Variants in RANBP17 observed in about 807,000 individuals in gnomAD.
The protein encoded by RANBP17 is ran-binding protein 17.
A neutral mutation model predicts 141.2 loss-of-function variants in RANBP17; 158 were observed. The ratio of observed to expected loss-of-function variants is 1.12; its 90% CI spans 0.98 to 1.28. RANBP17 has a LOEUF of 1.28. Ranked by LOEUF, RANBP17 falls within the 50% of genes most tolerant of loss-of-function variation. The probability of loss-of-function intolerance (pLI) is 0.00; values close to 1 mark genes in which losing one functional copy is unlikely to be tolerated. For synonymous variants in RANBP17, 430 were observed against 450.0 expected (o/e 0.96, Z 0.56); for missense variants, 1,438 against 1,290.7 (o/e 1.11, Z -1.75).
At chr5:171,141,619 C>A (rs1378224772) in intron 14 of RANBP17, among the ~76,000 whole-genome samples, 1 of 15,170 alleles carries the variant, frequency 6.6e-5, no homozygotes. Flanking sequence ...GAGACTCCAT[C>A]TCAAAAAAAA....
At chr5:170,875,814 A>G (rs2127343079) in intron 1 of RANBP17, among the ~76,000 whole-genome samples, 1 of 152,178 alleles carries the variant, frequency 6.6e-6, no homozygotes, top group South Asian at 2.1e-4. Flanking sequence ...TATCATTTGG[A>G]GAAGAAGCAC....
At chr5:171,200,890 A>G (rs1762257933) in intron 19 of RANBP17, among the ~76,000 whole-genome samples, 1 of 152,228 alleles carries the variant, frequency 6.6e-6, no homozygotes, top group African/African-American at 2.4e-5. Flanking sequence ...AGGATCTTAC[A>G]GATTCTGTTT....
At chr5:171,197,793 A>C (rs754702931) in intron 18 of RANBP17, among the ~76,000 whole-genome samples, 3 of 152,142 alleles carry the variant, frequency 2.0e-5, no homozygotes, top group African/African-American at 4.8e-5. Context: ...AATCCCAGCA[A>C]TTTGGGAGGC....
chr5:170,967,563 T>C (rs1776667161), intron 13 of RANBP17, among the ~76,000 whole-genome samples: 1 of 151,362 alleles, frequency 6.6e-6, no homozygotes, highest in Non-Finnish European at 1.5e-5. Context: ...AATTAAGCTT[T>C]TTCTGTAGGA....
At chr5:171,236,458 C>A (rs1330557635) in intron 22 of RANBP17, among the ~76,000 whole-genome samples, 3 of 152,136 alleles carry the variant, frequency 2.0e-5, no homozygotes. Flanking sequence ...TAATCCCCTG[C>A]AGCTAATTCT....
chr5:170,898,284 A>C (rs1468862592), intron 5 of RANBP17, among the ~76,000 whole-genome samples: 1 of 152,106 alleles, frequency 6.6e-6, no homozygotes, highest in Non-Finnish European at 1.5e-5. Flanking sequence ...ATGACTAGTG[A>C]TGATGAGCTT....
chr5:171,032,731 C>G (rs1211456187), intron 14 of RANBP17, among the ~76,000 whole-genome samples: 2 of 152,070 alleles, frequency 1.3e-5, no homozygotes, highest in African/African-American at 4.8e-5. Flanking sequence ...GAAATTACAG[C>G]CCATCATACA....
intron 14 of RANBP17, among the ~76,000 whole-genome samples, chr5:171,009,759 C>T (rs1779898155): frequency 6.6e-6 from 1 of 152,066 alleles, no homozygotes; most frequent in African/African-American, 2.4e-5. Flanking sequence ...GATGGAAACA[C>T]TTGTATCAAG....
At chr5:171,134,038 A>T (rs1757103614) in intron 14 of RANBP17, among the ~76,000 whole-genome samples, 2 of 152,210 alleles carry the variant, frequency 1.3e-5, no homozygotes, top group Admixed American at 1.3e-4. Context: ...ATTTTCATGA[A>T]ATATTATTTT....
chr5:171,229,509 C>T (rs1764078719), intron 22 of RANBP17, among the ~76,000 whole-genome samples: 1 of 151,948 alleles, frequency 6.6e-6, no homozygotes, highest in Non-Finnish European at 1.5e-5. Flanking sequence ...ATTCTCCTGC[C>T]TCAGCCTCCC....
chr5:171,246,746 T>C (rs1765236937), intron 24 of RANBP17, among the ~76,000 whole-genome samples: 1 of 152,206 alleles, frequency 6.6e-6, no homozygotes, highest in African/African-American at 2.4e-5. Context: ...CAAAGTGGCA[T>C]TACGAAGGGA....
intron 14 of RANBP17, among the ~76,000 whole-genome samples, chr5:171,136,926 G>A (rs1757329929): frequency 6.6e-6 from 1 of 152,070 alleles, no homozygotes; most frequent in Non-Finnish European, 1.5e-5. Context: ...GTTTCTCTCA[G>A]TTTTTGTCTA....
chr5:170,902,018 G>T (rs1026656969), intron 5 of RANBP17, among the ~76,000 whole-genome samples: 2 of 152,112 alleles, frequency 1.3e-5, no homozygotes, highest in Admixed American at 6.6e-5. Flanking sequence ...CTCTTCTCTA[G>T]GAGTATCTTT....
intron 14 of RANBP17, among the ~76,000 whole-genome samples, chr5:171,117,315 C>T (rs1248921156): frequency 1.3e-5 from 2 of 152,112 alleles, no homozygotes; most frequent in East Asian, 3.8e-4. Context: ...ATTTTGTCCA[C>T]ATTCCCACCA....
intron 24 of RANBP17, among the ~76,000 whole-genome samples, chr5:171,262,061 G>A (rs1249946900): frequency 6.6e-6 from 1 of 152,144 alleles, no homozygotes; most frequent in Non-Finnish European, 1.5e-5. Flanking sequence ...GTGTTTACCT[G>A]GCTTTTTCAC....
chr5:171,155,134 CACACACATAT>C lies in RANBP17; in HGVS notation c.1711-14990_1711-14981del, dbSNP rs1290863226. Among the ~76,000 whole-genome samples the C allele has an allele frequency of 1.6e-3, 220 of 141,018 alleles. 1 individual carries two copies. The highest frequency in any genetic ancestry group is 3.0e-3 in the Non-Finnish European group (197 of 65,818). 92.5% of individuals were successfully genotyped at this position (141,018 alleles called of 152,430 possible). On this transcript the variant is annotated intron_variant, in intron 14 of 27. Transcript: ENST00000523189. ...ATATATATATATGTACACACACACA[CACACACATAT>C]ACACATATATGTATATATATGGAGT...
intron 25 of RANBP17, among the ~76,000 whole-genome samples, chr5:171,278,926 A>G (rs1767689846): frequency 2.6e-5 from 4 of 152,204 alleles, no homozygotes; most frequent in Admixed American, 2.6e-4. Context: ...GAAAAACGAT[A>G]TGCAGGTACC....
At chr5:171,045,392 G>A (rs1316429285) in intron 14 of RANBP17, among the ~76,000 whole-genome samples, 1 of 152,052 alleles carries the variant, frequency 6.6e-6, no homozygotes, top group Non-Finnish European at 1.5e-5. Flanking sequence ...ATATGATATA[G>A]CATAAGAGAT....
chr5:170,911,283 A>G (rs768761415), intron 7 of RANBP17, 149 bp downstream of exon 7: 41 of 653,988 alleles, frequency 6.3e-5, no homozygotes, highest in Non-Finnish European at 8.9e-5. Context: ...GATAGCTAAT[A>G]TTGAAATGTT....
Sources: gnomAD v4.1 joint callset for allele counts (sites outside exome capture counted in the v4.1 genomes callset) on GRCh38, gnomAD v4.1.1 for gene constraint, MANE v1.5 for transcripts, NCBI Gene and HGNC (gene_info 2026-07-23, HGNC 2026-07-21) for gene names.